The following RORA variants were observed in gnomAD, a reference collection of about 807,000 sequenced individuals.
The protein encoded by RORA is nuclear receptor ROR-alpha.
A neutral mutation model predicts 69.5 loss-of-function variants in RORA; 7 were observed. The ratio of observed to expected loss-of-function variants is 0.10; its 90% CI spans 0.06 to 0.19. RORA has a LOEUF of 0.19. Among genes scored for constraint, RORA ranks in the 10% least tolerant of loss-of-function variants. The probability of loss-of-function intolerance (pLI) is 1.00; values close to 1 mark genes in which losing one functional copy is unlikely to be tolerated. For missense variants in RORA, 457 were observed against 663.0 expected (o/e 0.69, Z 3.41); for synonymous variants, 261 against 240.8 (o/e 1.08, Z -0.78).
chr15:60,976,164 G>A (rs28701930), intron 1 of RORA, among the ~76,000 whole-genome samples: 2,976 of 152,284 alleles, frequency 0.02, 86 homozygotes, highest in African/African-American at 0.068. Flanking sequence ...CTCGGAGTGC[G>A]TGGGCCTGGC....
intron 1 of RORA, among the ~76,000 whole-genome samples, chr15:60,779,287 C>G (rs2072219730): frequency 6.6e-6 from 1 of 152,140 alleles, no homozygotes; most frequent in South Asian, 2.1e-4. Flanking sequence ...TGGCCCAACT[C>G]TTATCTTTTT....
intron 2 of RORA, among the ~76,000 whole-genome samples, chr15:60,548,675 T>C (rs1329655035): frequency 6.6e-6 from 1 of 152,064 alleles, no homozygotes; most frequent in Non-Finnish European, 1.5e-5. Context: ...TCTCGCTCTG[T>C]TCCCCAGGCT....
At chr15:60,647,843 C>T (rs1339916831) in intron 2 of RORA, among the ~76,000 whole-genome samples, 1 of 152,244 alleles carries the variant, frequency 6.6e-6, no homozygotes, top group African/African-American at 2.4e-5. Flanking sequence ...AAGCCACCCT[C>T]AGCCTGCTGC....
chr15:60,558,552 A>G (rs28587028), intron 2 of RORA, among the ~76,000 whole-genome samples: 23 of 152,328 alleles, frequency 1.5e-4, no homozygotes, highest in African/African-American at 5.0e-4. Context: ...GAATTTTAAT[A>G]GTAATTTCGA....
chr15:61,078,078 G>T (rs1033590605), intron 1 of RORA, among the ~76,000 whole-genome samples: 1 of 152,124 alleles, frequency 6.6e-6, no homozygotes, highest in Non-Finnish European at 1.5e-5. Context: ...GTAACCACTG[G>T]ATAATAAGAA....
At chr15:60,724,810 T>C (rs1260907463) in intron 1 of RORA, among the ~76,000 whole-genome samples, 1 of 152,194 alleles carries the variant, frequency 6.6e-6, no homozygotes, top group African/African-American at 2.4e-5. Flanking sequence ...ACTGAATGAA[T>C]GAGGGTCCCA....
At chr15:61,183,580 A>T (rs1001985748) in intron 1 of RORA, among the ~76,000 whole-genome samples, 2 of 151,770 alleles carry the variant, frequency 1.3e-5, no homozygotes, top group Non-Finnish European at 2.9e-5. Flanking sequence ...ATGGACAGAG[A>T]ACAGAGCTGA....
intron 1 of RORA, among the ~76,000 whole-genome samples, chr15:61,010,263 C>T (rs1175084637): frequency 6.6e-6 from 1 of 152,082 alleles, no homozygotes; most frequent in Non-Finnish European, 1.5e-5. Context: ...TTTCAGGGCC[C>T]CCTGGGACTT....
chr15:61,117,696 G>A (rs2079063191), intron 1 of RORA, among the ~76,000 whole-genome samples: 1 of 152,282 alleles, frequency 6.6e-6, no homozygotes, highest in African/African-American at 2.4e-5. Context: ...ATTCCCTGAC[G>A]AAAGAAAATG....
chr15:60,571,607 G>C (rs1003409438), intron 2 of RORA, among the ~76,000 whole-genome samples: 2 of 152,282 alleles, frequency 1.3e-5, no homozygotes, highest in Non-Finnish European at 2.9e-5. Flanking sequence ...AGATCATGAA[G>C]AGGCATGAGG....
chr15:60,972,858 A>G (rs1479895075), intron 1 of RORA, among the ~76,000 whole-genome samples: 1 of 152,196 alleles, frequency 6.6e-6, no homozygotes, highest in African/African-American at 2.4e-5. Flanking sequence ...TGTGGCTCTT[A>G]GTATTATAAT....
At chr15:60,597,487 C>T (rs1214913044) in intron 2 of RORA, among the ~76,000 whole-genome samples, 2 of 128,522 alleles carry the variant, frequency 1.6e-5, no homozygotes, top group Admixed American at 8.6e-5. Flanking sequence ...CACCCCATTC[C>T]TATACCTGGC....
intron 2 of RORA, among the ~76,000 whole-genome samples, chr15:60,642,589 T>C (rs993296407): frequency 6.6e-6 from 1 of 152,206 alleles, no homozygotes; most frequent in Non-Finnish European, 1.5e-5. Flanking sequence ...CGGGAAGCTC[T>C]CAGTGAAATC....
At chr15:61,149,080 C>T (rs1168909808) in intron 1 of RORA, among the ~76,000 whole-genome samples, 1 of 152,170 alleles carries the variant, frequency 6.6e-6, no homozygotes, top group Non-Finnish European at 1.5e-5. Flanking sequence ...TGAGGTGTGG[C>T]TTACGTAATC....
At chr15:60,879,129 G>A (rs2073651398) in intron 1 of RORA, among the ~76,000 whole-genome samples, 1 of 152,128 alleles carries the variant, frequency 6.6e-6, no homozygotes, top group African/African-American at 2.4e-5. Flanking sequence ...CTGTTTCCAT[G>A]TGTTAGAAGC....
rs540396599 is a variant in RORA at position 61,153,808 on chromosome 15, G to A, written c.166+75245C>T. On this transcript the variant is annotated intron_variant, in intron 1 of 10. Transcript: ENST00000335670. The stretch of plus-strand genomic sequence containing the variant: ...ACCCTTCAATTGCTAAGAACCCTCA[G>A]GAGCAAAGTTGTTATGCAAGGGCAC... 1.5e-3 allele frequency among the ~76,000 whole-genome samples: 222 copies of A among 152,036 alleles called. 1 individual carries two copies. The highest frequency in any genetic ancestry group is 2.8e-3 in the Non-Finnish European group (191 of 67,992).
chr15:60,800,814 G>A (rs921662308), intron 1 of RORA, among the ~76,000 whole-genome samples: 5 of 152,160 alleles, frequency 3.3e-5, no homozygotes, highest in East Asian at 3.9e-4. Context: ...CAGCATGCAG[G>A]TCTTTCCCCA....
intron 2 of RORA, chr15:60,677,040 C>G (rs1402965388): frequency 2.7e-6 from 1 of 365,278 alleles, no homozygotes; most frequent in African/African-American, 2.1e-5. Flanking sequence ...CTGTACATTG[C>G]CAGGTGGCCA....
At chr15:60,643,240 T>G (rs1481782280) in intron 2 of RORA, among the ~76,000 whole-genome samples, 1 of 152,238 alleles carries the variant, frequency 6.6e-6, no homozygotes, top group Non-Finnish European at 1.5e-5. Flanking sequence ...TGTTGGTTAA[T>G]ATTCTTTGGT....
Sources: gnomAD v4.1 joint callset for allele counts (sites outside exome capture counted in the v4.1 genomes callset) on GRCh38, gnomAD v4.1.1 for gene constraint, MANE v1.5 for transcripts, NCBI Gene and HGNC (gene_info 2026-07-23, HGNC 2026-07-21) for gene names.